ST13: variants seen among roughly 807,000 people sequenced by gnomAD.
ST13 encodes the protein hsc70-interacting protein.
In ST13, 23 loss-of-function variants were observed where a neutral mutation model predicts 56.7. That is an observed-to-expected ratio of 0.41 (90% CI 0.29 to 0.57). The LOEUF is 0.57. ST13 is among the 20% of genes least tolerant of loss of function. The pLI is 0.36. For missense variants in ST13, 369 were observed against 459.9 expected, an observed-to-expected ratio of 0.80 and a Z score of 1.81; for synonymous variants, 132 against 142.4, an observed-to-expected ratio of 0.93 and a Z score of 0.52.
intron 4 of ST13, among the ~76,000 whole-genome samples, chr22:40,841,693 A>G (rs960808072): frequency 3.3e-5 from 5 of 152,010 alleles, no homozygotes; most frequent in African/African-American, 1.2e-4. Flanking sequence ...TGCAACCTCC[A>G]TCTCCTGGGC....
intron 7 of ST13, among the ~76,000 whole-genome samples, chr22:40,833,780 A>T (rs960431134): frequency 2.0e-5 from 3 of 151,718 alleles, no homozygotes; most frequent in Non-Finnish European, 4.4e-5. Flanking sequence ...CTGAGGCAGG[A>T]GAACCGCTTG....
chr22:40,829,096 C>T (rs1429250707), intron 10 of ST13, among the ~76,000 whole-genome samples: 1 of 152,148 alleles, frequency 6.6e-6, no homozygotes, highest in Non-Finnish European at 1.5e-5. Flanking sequence ...TTTTCTGTTG[C>T]TGTGCACATA....
At chr22:40,839,886 C>T (rs1165314915) in intron 5 of ST13, among the ~76,000 whole-genome samples, 1 of 152,098 alleles carries the variant, frequency 6.6e-6, no homozygotes, top group Non-Finnish European at 1.5e-5. Flanking sequence ...CGCAGTGGTT[C>T]ATGCCTGTTA....
In ST13 at chr22:40,826,586, A is replaced by G; in HGVS notation, c.1062T>C (p.Val354=). Residue 354 remains valine, a synonymous_variant, in exon 12 of 12, where the codon GTT becomes GTC. Coordinates refer to ENST00000216218, the MANE Select transcript of ST13 (RefSeq NM_003932.5). ...CTGACAATTTACTGATGAGATTCAT[A>G]ACCTTTGGGTTGCTCTGGTATTTTG... is the stretch of plus-strand genomic sequence containing the variant. ...NMSKYQSNPK[V]MNLISKLSAK... 1 of 1,602,488 alleles carries G rather than the reference A, an allele frequency of 6.2e-7. No individual in the cohort carries two copies.
chr22:40,838,707 G>C (rs993619854), intron 5 of ST13, among the ~76,000 whole-genome samples: 19 of 152,106 alleles, frequency 1.2e-4, no homozygotes, highest in Admixed American at 6.6e-4. Flanking sequence ...GCTGCAGTGA[G>C]CCATGACCAT....
At chr22:40,836,438 G>A (rs943432699) in intron 5 of ST13, among the ~76,000 whole-genome samples, 1 of 151,782 alleles carries the variant, frequency 6.6e-6, no homozygotes, top group Non-Finnish European at 1.5e-5. Context: ...GCACGACTCC[G>A]TCTCAAAAAA....
At chr22:40,832,786 T>A in intron 7 of ST13, 115 bp from the exon 8 acceptor site, 2 of 760,356 alleles carry the variant, frequency 2.6e-6, no homozygotes, top group Non-Finnish European at 4.3e-6. Context: ...AGTTAAATAT[T>A]AACTATAAAC....
chr22:40,853,868 G>A (rs542635479), intron 1 of ST13, among the ~76,000 whole-genome samples: 1 of 152,040 alleles, frequency 6.6e-6, no homozygotes, highest in Admixed American at 6.6e-5. Flanking sequence ...TTGTTAAACG[G>A]GAGAAAATAG....
chr22:40,843,243 T>C (rs751808143), intron 4 of ST13, among the ~76,000 whole-genome samples: 4 of 152,322 alleles, frequency 2.6e-5, no homozygotes, highest in East Asian at 1.9e-4. Context: ...TGAGGAGATA[T>C]ATCTTTTCCC....
intron 4 of ST13, 109 bp downstream of exon 4, chr22:40,844,730 A>G: frequency 2.3e-6 from 2 of 884,252 alleles, no homozygotes; most frequent in South Asian, 3.3e-5. Context: ...GAAGTCAGAG[A>G]AAGATTTACT....
intron 3 of ST13, among the ~76,000 whole-genome samples, chr22:40,846,759 AAGAC>A (rs2057833479): frequency 6.6e-6 from 1 of 152,146 alleles, no homozygotes; most frequent in African/African-American, 2.4e-5. Context: ...CTGGGAGGCC[AAGAC>A]GGGCAGATCA....
At chr22:40,855,885 TATA>T (rs1048975918) in intron 1 of ST13, among the ~76,000 whole-genome samples, 5 of 143,550 alleles carry the variant, frequency 3.5e-5, no homozygotes, top group Non-Finnish European at 5.9e-5. Flanking sequence ...GTAACGGAGG[TATA>T]ATAAGTGATT....
intron 5 of ST13, 95 bp from the exon 6 acceptor site, chr22:40,835,982 T>C: frequency 1.0e-6 from 1 of 995,028 alleles, no homozygotes; most frequent in South Asian, 1.6e-5. Context: ...TTTACATTTT[T>C]CTTTTAATCA....
chr22:40,832,855 A>G (rs1486115232), intron 7 of ST13, among the ~76,000 whole-genome samples, 184 bp from the exon 8 acceptor site: 3 of 152,264 alleles, frequency 2.0e-5, no homozygotes, highest in Non-Finnish European at 4.4e-5. Context: ...AAAACCTGAA[A>G]ACATTTAAAT....
chr22:40,832,145 C>T (rs1344951466), intron 8 of ST13: 4 of 469,494 alleles, frequency 8.5e-6, no homozygotes, highest in East Asian at 6.9e-5. Context: ...TGAGCCACCG[C>T]GCCTGGCCGG....
In ST13 at chr22:40,827,257, T is replaced by A. The variant is rs199542597; in HGVS notation, c.848-28A>T. On this transcript the variant is annotated intron_variant, in intron 10 of 11. Transcript: ENST00000216218. ...GTAATAAAAAATGAATAGACACTAA[T>A]CATACTCCCAAATATTCTGACACAG... The A allele has an allele frequency of 5.3e-4, 854 of 1,611,068 alleles. 5 individuals are homozygous for A. The Middle Eastern group carries it at 0.01, about 19-fold the overall frequency.
intron 1 of ST13, among the ~76,000 whole-genome samples, chr22:40,852,986 A>G (rs1377317903): frequency 6.6e-6 from 1 of 152,226 alleles, no homozygotes; most frequent in Non-Finnish European, 1.5e-5. Flanking sequence ...CAAGAAATGT[A>G]TTAAGCTAAA....
At position 40,856,564 on chromosome 22, in the gene ST13, T is replaced by G. The variant is rs1269730043; in HGVS notation, c.-24A>C. 3.1e-6 allele frequency: 5 copies of G among 1,592,626 alleles called. No individual in the cohort carries two copies. The highest frequency in any genetic ancestry group is 2.2e-5 in the East Asian group (1 of 44,764). ...ATGGTAGGGAGGTGGTGGGCGAAACTGGGGGGGCTACGGCCCGGTTCCAGG... is the reference window on the plus strand; with the variant it reads ...ATGGTAGGGAGGTGGTGGGCGAAACGGGGGGGGCTACGGCCCGGTTCCAGG... On this transcript the variant is annotated 5_prime_UTR_variant, in exon 1 of 12. Coordinates refer to ENST00000216218, the MANE Select transcript of ST13 (RefSeq NM_003932.5).
chr22:40,842,527 G>A (rs184812309), intron 4 of ST13, among the ~76,000 whole-genome samples: 1 of 152,104 alleles, frequency 6.6e-6, no homozygotes, highest in Non-Finnish European at 1.5e-5. Context: ...AACATCAATG[G>A]AACAGACAAA....
Sources: gnomAD v4.1 joint callset for allele counts (sites outside exome capture counted in the v4.1 genomes callset) on GRCh38, gnomAD v4.1.1 for gene constraint, MANE v1.5 for transcripts, NCBI Gene and HGNC (gene_info 2026-07-23, HGNC 2026-07-21) for gene names.